The following ACOT7 variants were observed in gnomAD, a reference collection of about 807,000 sequenced individuals.
ACOT7 encodes the protein cytosolic acyl coenzyme A thioester hydrolase.
A neutral mutation model predicts 40.2 loss-of-function variants in ACOT7; 12 were observed. That is an observed-to-expected ratio of 0.30 (90% confidence interval 0.19 to 0.48). ACOT7 has a LOEUF of 0.48. Among genes scored for constraint, ACOT7 ranks in the 20% least tolerant of loss-of-function variants. The probability of loss-of-function intolerance (pLI) is 0.99; values close to 1 mark genes in which losing one functional copy is unlikely to be tolerated. For missense variants in ACOT7, 395 were observed against 530.8 expected, an observed-to-expected ratio of 0.74 and a Z score of 2.51; for synonymous variants, 228 against 219.5, an observed-to-expected ratio of 1.04 and a Z score of -0.34.
chr1:6,285,768 ATGCTTCAGGG>A (rs59054940), intron 7 of ACOT7, among the ~76,000 whole-genome samples: 11,459 of 152,206 alleles, frequency 0.075, 653 homozygotes, highest in African/African-American at 0.16. Flanking sequence ...GGAGGTCAGG[ATGCTTCAGGG>A]TCTCCCAGCA....
rs1443157327 is a variant in ACOT7, at chr1:6,295,048, C to G, written c.713-68G>C. On this transcript the variant is annotated intron_variant, in intron 6 of 8. Transcript: ENST00000361521. ...AGGAGATTATTTCACACCCTGGAAA[C>G]AAGTTACAACTCGAGCCCTCCCCTC... The G allele has an allele frequency of 3.9e-6, 5 of 1,275,112 alleles. No homozygotes were observed. The African/African-American group carries it at 7.4e-5, about 19-fold the overall frequency. 79.0% of individuals were successfully genotyped at this position (1,275,112 alleles called of 1,614,324 possible). A position where few individuals can be genotyped will look rare whatever the true frequency, so the allele number is the denominator to read the frequency against.
At chr1:6,388,411 G>A (rs148026174) in intron 1 of ACOT7, among the ~76,000 whole-genome samples, 1 of 151,040 alleles carries the variant, frequency 6.6e-6, no homozygotes, top group African/African-American at 2.4e-5. Flanking sequence ...GCCTGGCCAG[G>A]TTCTTTCTTT....
At chr1:6,336,653 G>A (rs1007126227) in intron 3 of ACOT7, among the ~76,000 whole-genome samples, 10 of 152,128 alleles carry the variant, frequency 6.6e-5, no homozygotes, top group South Asian at 2.1e-4. Flanking sequence ...GTCCCCGCGC[G>A]CATCCTCTGC....
intron 5 of ACOT7, among the ~76,000 whole-genome samples, chr1:6,319,403 G>A (rs1640583297): frequency 6.6e-6 from 1 of 152,164 alleles, no homozygotes; most frequent in Admixed American, 6.5e-5. Context: ...ATATTGGCCA[G>A]GCTGGTCTTG....
chr1:6,281,864 C>G (rs1244315701), intron 7 of ACOT7, among the ~76,000 whole-genome samples: 1 of 152,174 alleles, frequency 6.6e-6, no homozygotes, highest in Non-Finnish European at 1.5e-5. Context: ...GGGATTGAAT[C>G]TTATGTGACT....
intron 6 of ACOT7, among the ~76,000 whole-genome samples, chr1:6,317,645 G>A (rs1388874679): frequency 1.3e-5 from 2 of 152,148 alleles, no homozygotes; most frequent in Non-Finnish European, 2.9e-5. Context: ...ATCAGATCCC[G>A]GGGCTGCATG....
intron 1 of ACOT7, among the ~76,000 whole-genome samples, chr1:6,354,024 A>G (rs11121699): frequency 0.3 from 44,985 of 151,946 alleles, 10,627 homozygotes; most frequent in African/African-American, 0.66. Context: ...CCACAGCCCC[A>G]CCCTTTTTCT....
In ACOT7 at chr1:6,275,814, C is replaced by T. The variant is rs750237815; in HGVS notation, c.1014+5288G>A. Among the ~76,000 whole-genome samples the T allele has an allele frequency of 6.6e-5, 10 of 151,918 alleles. No homozygotes were observed. The highest frequency in any genetic ancestry group is 1.3e-4 in the Non-Finnish European group (9 of 67,974). The stretch of plus-strand genomic sequence containing the variant: ...ACATTTCGGTGGCTAAAGACTGAAG[C>T]TCGGAGTCCTGGGCTGGCCACCTCG... On this transcript the variant is annotated intron_variant, in intron 8 of 8. Coordinates refer to ENST00000361521, the MANE Select transcript of ACOT7 (RefSeq NM_007274.4). This position sits in a 1 kb window ranked among gnomAD's most constrained non-coding sequence, Gnocchi z 5.6.
In ACOT7 at chr1:6,306,076, G is replaced by A. The variant is rs76969152; in HGVS notation, c.713-11096C>T. The A allele has an allele frequency of 3.8e-6, 1 of 263,816 alleles. No homozygotes were observed. Among genetic ancestry groups the A allele is most frequent in the Non-Finnish European group, 5.8e-6 (1 of 171,202 alleles). The allele number at this position is 263,816 out of a possible 1,614,324, so 16.3% of individuals were successfully genotyped here. ...TGGCGGCGCGCGCCTGCAATCGCAG[G>A]CACTCGGCAGGCTGAGGCAGGAGAA... On this transcript the variant is annotated intron_variant, in intron 6 of 8. Coordinates refer to ENST00000361521, the MANE Select transcript of ACOT7 (RefSeq NM_007274.4). This position sits in a 1 kb window ranked among gnomAD's most constrained non-coding sequence, Gnocchi z 4.3.
At chr1:6,357,339 T>A (rs1391347845) in intron 1 of ACOT7, among the ~76,000 whole-genome samples, 2 of 152,070 alleles carry the variant, frequency 1.3e-5, no homozygotes, top group African/African-American at 4.8e-5. Flanking sequence ...TGGTGGAAGC[T>A]AAAGTGCCCA....
chr1:6,344,596 T>G (rs1641365804), intron 2 of ACOT7, among the ~76,000 whole-genome samples: 1 of 151,622 alleles, frequency 6.6e-6, no homozygotes, highest in South Asian at 2.1e-4. Flanking sequence ...AAACCCTGTC[T>G]CTACTAAAAA....
rs1360906289 is a variant in ACOT7, at chr1:6,282,207, C to T, written c.830-921G>A. Among the ~76,000 whole-genome samples the T allele has an allele frequency of 2.0e-5, 3 of 152,128 alleles. No homozygotes were observed. Among genetic ancestry groups the T allele is most frequent in the African/African-American group, 7.2e-5 (3 of 41,424 alleles). On this transcript the variant is annotated intron_variant, in intron 7 of 8. Transcript: ENST00000361521. The surrounding 1 kb of genome is among the most constrained non-coding windows in gnomAD (Gnocchi z 4.5). ...TGGGCTCCATCCTCCTACCTGGCCT[C>T]AACATAATCCCTTAATCTCAGGGAG...
At position 6,274,149 on chromosome 1, in the gene ACOT7, T is replaced by A. The variant is rs1639122348; in HGVS notation, c.1014+6953A>T. Among the ~76,000 whole-genome samples, 1 of 152,130 alleles carries A rather than the reference T, an allele frequency of 6.6e-6. No homozygotes were observed. The highest frequency in any genetic ancestry group is 2.1e-4 in the South Asian group (1 of 4,828). On this transcript the variant is annotated intron_variant, in intron 8 of 8. Transcript: ENST00000361521. The surrounding 1 kb of genome is among the most constrained non-coding windows in gnomAD (Gnocchi z 5.9). ...GGGTGGGGAGCAGCAGGCACCATCA[T>A]GGAAAGCTTGCCCCATGCTTCCTCC... is the stretch of plus-strand genomic sequence containing the variant.
At chr1:6,283,538 G>A (rs2148382135) in intron 7 of ACOT7, among the ~76,000 whole-genome samples, 1 of 152,322 alleles carries the variant, frequency 6.6e-6, no homozygotes, top group East Asian at 1.9e-4. Context: ...GATCCTGGCT[G>A]CTCATGGCTT....
intron 5 of ACOT7, among the ~76,000 whole-genome samples, chr1:6,319,145 C>T (rs907049364): frequency 2.0e-5 from 3 of 152,168 alleles, no homozygotes; most frequent in Admixed American, 6.5e-5. Context: ...AGAGGCCGCA[C>T]TTAAGAAAAA....
At chr1:6,327,602 A>T (rs1640840619) in intron 4 of ACOT7, among the ~76,000 whole-genome samples, 189 bp from the exon 5 acceptor site, 1 of 152,206 alleles carries the variant, frequency 6.6e-6, no homozygotes, top group South Asian at 2.1e-4. Context: ...CTCCCCAGAG[A>T]GACAACCTGG....
At position 6,289,020 on chromosome 1, in the gene ACOT7, GC is replaced by G. The variant is rs1639590563; in HGVS notation, c.829+5843del. Among the ~76,000 whole-genome samples the G allele has an allele frequency of 6.6e-6, 1 of 152,210 alleles. No homozygotes were observed. The highest frequency in any genetic ancestry group is 2.4e-5 in the African/African-American group (1 of 41,446). ...GGGAGGCTGAAGGAGAGAAAGCAAA[GC>G]ACTTCCTGCCTTAAATCTGGAGAAG... On this transcript the variant is annotated intron_variant, in intron 7 of 8. Transcript: ENST00000361521. This position sits in a 1 kb window ranked among gnomAD's most constrained non-coding sequence, Gnocchi z 4.6.
At chr1:6,304,516 G>A (rs55753543) in intron 6 of ACOT7, among the ~76,000 whole-genome samples, 7,877 of 135,514 alleles carry the variant, frequency 0.058, 274 homozygotes, top group African/African-American at 0.11. Flanking sequence ...AAGGTCTCTG[G>A]TTTTCCTAGG....
chr1:6,323,716 C>CAAAAAA (rs1171499592), intron 5 of ACOT7, among the ~76,000 whole-genome samples: 3 of 69,126 alleles, frequency 4.3e-5, no homozygotes, highest in Non-Finnish European at 7.7e-5. Context: ...AGACTTGTCT[C>CAAAAAA]AAAAAAAAAA....
Sources: gnomAD v4.1 joint callset for allele counts (sites outside exome capture counted in the v4.1 genomes callset) on GRCh38, gnomAD v4.1.1 for gene constraint, Gnocchi (gnomAD v3.1) non-coding constraint, MANE v1.5 for transcripts, NCBI Gene and HGNC (gene_info 2026-07-23, HGNC 2026-07-21) for gene names.